PXMP2: variants seen among roughly 807,000 people sequenced by gnomAD.
PXMP2 encodes the protein peroxisomal membrane protein 2.
Under a neutral mutation model 20.2 loss-of-function variants are expected in PXMP2, and 13 were observed. That is an observed-to-expected ratio of 0.64 (90% CI 0.42 to 1.02). The LOEUF is 1.02. Among genes scored for constraint, PXMP2 ranks in the 50% least tolerant of loss-of-function variants. The pLI is 0.00. For synonymous variants in PXMP2, 113 were observed against 111.2 expected (o/e 1.02, Z -0.10); for missense variants, 284 against 251.8 (o/e 1.13, Z -0.87).
At chr12:132,691,045 ATTTTAATTTTTTT>A (rs2136059357) in intron 2 of PXMP2, among the ~76,000 whole-genome samples, 1 of 140,798 alleles carries the variant, frequency 7.1e-6, no homozygotes, top group African/African-American at 2.6e-5. Context: ...TTCTATTGTT[ATTTTAATTTTTTT>A]TTTTTTTTTT....
rs780000968 is a variant in PXMP2, at chr12:132,695,876, G to A, written c.237-8G>A. ...CACAATCTGGCTCACACCCCCTGGGGGCCTCAGGTTCTTCTTCACAGGGCC... is the reference window on the plus strand; with the variant it reads ...CACAATCTGGCTCACACCCCCTGGGAGCCTCAGGTTCTTCTTCACAGGGCC... On this transcript the variant is annotated splice_region_variant and splice_polypyrimidine_tract_variant and intron_variant, in intron 2 of 4. Transcript: ENST00000317479. 2 of 1,600,482 alleles carry A rather than the reference G, an allele frequency of 1.2e-6. No homozygotes were observed. Among genetic ancestry groups the A allele is most frequent in the Admixed American group, 1.7e-5 (1 of 58,404 alleles).
Position 132,696,554 on chromosome 12 carries a change from T to C in PXMP2, c.399+508T>C, listed in dbSNP as rs1257126110. Among the ~76,000 whole-genome samples, 2 of 152,052 alleles carry C rather than the reference T, an allele frequency of 1.3e-5. No homozygotes were observed. Among genetic ancestry groups the C allele is most frequent in the African/African-American group, 4.8e-5 (2 of 41,394 alleles). ...GGCTCACACCTGTAATCCCAGCACT[T>C]TGGGAGGGCGAGGCGGGTGGATCAC... is the stretch of plus-strand genomic sequence containing the variant. On this transcript the variant is annotated intron_variant, in intron 3 of 4. Transcript: ENST00000317479. The surrounding 1 kb of genome is among the most constrained non-coding windows in gnomAD (Gnocchi z 4.4).
intron 2 of PXMP2, among the ~76,000 whole-genome samples, chr12:132,695,138 C>CCAGTTAGTTAGTGAGCGCCCTTGA (rs1464048063): frequency 6.7e-6 from 1 of 149,642 alleles, no homozygotes; most frequent in Admixed American, 6.6e-5. Context: ...GCTCCCTTAG[C>CCAGTTAGTTAGTGAGCGCCCTTGA]CAGTTAGTTA....
rs1284762423 is a variant in PXMP2 at position 132,696,799 on chromosome 12, CAAAAACA to C, written c.399+764_399+770del. On this transcript the variant is annotated intron_variant, in intron 3 of 4. Coordinates refer to ENST00000317479, the MANE Select transcript of PXMP2 (RefSeq NM_018663.3). This position sits in a 1 kb window ranked among gnomAD's most constrained non-coding sequence, Gnocchi z 4.4. The stretch of plus-strand genomic sequence containing the variant: ...TGGGTAATAGAGCCAGACTCCGTCT[CAAAAACA>C]AAAAACAAAACAAAACAAATTAGCC... Among the ~76,000 whole-genome samples the C allele has an allele frequency of 2.6e-5, 4 of 151,698 alleles. No homozygotes were observed. The highest frequency in any genetic ancestry group is 4.4e-5 in the Non-Finnish European group (3 of 67,914).
At chr12:132,701,448 C>A in intron 4 of PXMP2, 79 bp downstream of exon 4, 1 of 1,509,016 alleles carries the variant, frequency 6.6e-7, no homozygotes, top group South Asian at 1.2e-5. Flanking sequence ...TCTTTCCTCC[C>A]CCCCTCCCTC....
rs766342906 is a variant in PXMP2 at position 132,697,413 on chromosome 12, A to ATTTATTTT, written c.399+1370_399+1371insATTTTTTT. Among the ~76,000 whole-genome samples the ATTTATTTT allele has an allele frequency of 6.7e-5, 10 of 149,882 alleles. No homozygotes were observed. The South Asian group carries it at 1.7e-3, about 25-fold the overall frequency. ...TCCTATTTTATTTATTTATTTATTT[A>ATTTATTTT]TTTTTTATTTTTGAGGCAGAATCTC... On this transcript the variant is annotated intron_variant, in intron 3 of 4. Transcript: ENST00000317479.
Position 132,696,987 on chromosome 12 carries a change from A to G in PXMP2, c.399+941A>G, listed in dbSNP as rs1365710769. On this transcript the variant is annotated intron_variant, in intron 3 of 4. Coordinates refer to ENST00000317479, the MANE Select transcript of PXMP2 (RefSeq NM_018663.3). The surrounding 1 kb of genome is among the most constrained non-coding windows in gnomAD (Gnocchi z 4.4). The stretch of plus-strand genomic sequence containing the variant: ...AAGACTCTGCCTCAAAAAAAAAAGA[A>G]AAAAGAAAAAAGAAACAGGGCCGGG... 2.0e-5 allele frequency among the ~76,000 whole-genome samples: 3 copies of G among 150,776 alleles called. No individual in the cohort carries two copies. The highest frequency in any genetic ancestry group is 4.4e-5 in the Non-Finnish European group (3 of 67,638).
At chr12:132,698,469 T>C (rs571921927) in intron 3 of PXMP2, among the ~76,000 whole-genome samples, 25 of 152,368 alleles carry the variant, frequency 1.6e-4, no homozygotes, top group African/African-American at 5.5e-4. Flanking sequence ...GGTATTCTTA[T>C]GGTTTTACTT....
chr12:132,704,889 G>T lies in PXMP2; in HGVS notation c.*202G>T. The T allele has an allele frequency of 1.7e-6, 1 of 592,502 alleles. No homozygotes were observed. The allele number at this position is 592,502 out of a possible 1,614,324, so 36.7% of individuals were successfully genotyped here. A position where few individuals can be genotyped will look rare whatever the true frequency, so the allele number is the denominator to read the frequency against. ...AAAAAGGCAGTCGCTGCCTTCAGGT[G>T]GTGCTGCCCCAGAAACTTAAAATTT... On this transcript the variant is annotated 3_prime_UTR_variant, in exon 5 of 5. Transcript: ENST00000317479.
intron 1 of PXMP2, among the ~76,000 whole-genome samples, chr12:132,688,881 C>G (rs375306329): frequency 4.3e-4 from 7 of 16,154 alleles, no homozygotes; most frequent in South Asian, 2.8e-3. Flanking sequence ...AAGACAGGGC[C>G]AGGGGAGCGG....
intron 1 of PXMP2, among the ~76,000 whole-genome samples, chr12:132,690,017 A>G (rs573545225): frequency 2.0e-5 from 3 of 152,222 alleles, no homozygotes; most frequent in Non-Finnish European, 4.4e-5. Context: ...CTGCCAAATT[A>G]TAGTATAACA....
In PXMP2 at chr12:132,696,115, G is replaced by A. The variant is rs878881305; in HGVS notation, c.399+69G>A. On this transcript the variant is annotated intron_variant, in intron 3 of 4. Coordinates refer to ENST00000317479, the MANE Select transcript of PXMP2 (RefSeq NM_018663.3). This position sits in a 1 kb window ranked among gnomAD's most constrained non-coding sequence, Gnocchi z 4.4. ...CAGGGATTCTTCACCTGACATTCTCGGCAGAATTCAGAGGGTCTGCAGATT... is the reference window on the plus strand; with the variant it reads ...CAGGGATTCTTCACCTGACATTCTCAGCAGAATTCAGAGGGTCTGCAGATT... 96 of 1,455,582 alleles carry A rather than the reference G, an allele frequency of 6.6e-5. 1 individual carries two copies. Among genetic ancestry groups the A allele is most frequent in the Middle Eastern group, 3.6e-4 (2 of 5,562 alleles). 90.2% of individuals were successfully genotyped at this position (1,455,582 alleles called of 1,614,324 possible).
rs1002312830 is a variant in PXMP2, at chr12:132,696,979, A to T, written c.399+933A>T. Among the ~76,000 whole-genome samples, 1 of 147,812 alleles carries T rather than the reference A, an allele frequency of 6.8e-6. No homozygotes were observed. The highest frequency in any genetic ancestry group is 1.5e-5 in the Non-Finnish European group (1 of 66,584). ...AACAGAGCAAGACTCTGCCTCAAAA[A>T]AAAAAGAAAAAAGAAAAAAGAAACA... On this transcript the variant is annotated intron_variant, in intron 3 of 4. Coordinates refer to ENST00000317479, the MANE Select transcript of PXMP2 (RefSeq NM_018663.3). The surrounding 1 kb of genome is among the most constrained non-coding windows in gnomAD (Gnocchi z 4.4).
intron 2 of PXMP2, among the ~76,000 whole-genome samples, chr12:132,691,971 A>T (rs754731922): frequency 1.2e-4 from 18 of 152,200 alleles, no homozygotes; most frequent in Admixed American, 2.6e-4. Context: ...CTTGCCAGTT[A>T]GTTAGTGAGC....
Position 132,704,728 on chromosome 12 carries a change from C to A in PXMP2, c.*41C>A. 1 of 1,578,678 alleles carries A rather than the reference C, an allele frequency of 6.3e-7. No homozygotes were observed. Among genetic ancestry groups the A allele is most frequent in the Non-Finnish European group, 8.7e-7 (1 of 1,154,028 alleles). On this transcript the variant is annotated 3_prime_UTR_variant, in exon 5 of 5. Coordinates refer to ENST00000317479, the MANE Select transcript of PXMP2 (RefSeq NM_018663.3). ...CATCAGGTGCACTGTGGACGTGGGT[C>A]TGGGGGTCTCACCCGCCCAGCGAGA...
chr12:132,702,865 G>A (rs1170169761), intron 4 of PXMP2, among the ~76,000 whole-genome samples: 4 of 152,200 alleles, frequency 2.6e-5, no homozygotes, highest in Non-Finnish European at 4.4e-5. Context: ...GGTGACCCCC[G>A]AGGGAGAGGA....
chr12:132,700,396 CTTGTGG>C, intron 3 of PXMP2, among the ~76,000 whole-genome samples: 1 of 152,034 alleles, frequency 6.6e-6, no homozygotes, highest in East Asian at 1.9e-4. Context: ...GTGGTATCTC[CTTGTGG>C]TTTTAATTTG....
At chr12:132,694,660 C>A (rs1265685612) in intron 2 of PXMP2, among the ~76,000 whole-genome samples, 1 of 127,146 alleles carries the variant, frequency 7.9e-6, no homozygotes, top group Non-Finnish European at 1.6e-5. Flanking sequence ...TTAGTGAGCT[C>A]CCTTAGCCAG....
chr12:132,697,408 TA>T (rs2043416423), intron 3 of PXMP2, among the ~76,000 whole-genome samples: 1 of 151,764 alleles, frequency 6.6e-6, no homozygotes, highest in African/African-American at 2.4e-5. Flanking sequence ...TTTATTTATT[TA>T]TTTATTTTTT....
Sources: allele counts gnomAD v4.1 joint callset (sites outside exome capture counted in the v4.1 genomes callset), GRCh38; gene constraint gnomAD v4.1.1; non-coding constraint Gnocchi (gnomAD v3.1); transcripts MANE v1.5; gene names NCBI Gene and HGNC (gene_info 2026-07-23, HGNC 2026-07-21).